ZNF143: variants seen among roughly 807,000 people sequenced by gnomAD.
ZNF143 encodes the protein zinc finger protein 143.
A neutral mutation model predicts 74.1 loss-of-function variants in ZNF143; 49 were observed. The observed-to-expected ratio is 0.66, with a 90% CI of 0.53 to 0.84. The LOEUF is 0.84. Among genes scored for constraint, ZNF143 ranks in the 40% least tolerant of loss-of-function variants. ZNF143 has a pLI of 0.00. For synonymous variants in ZNF143, 304 were observed against 282.8 expected, an observed-to-expected ratio of 1.07 and a Z score of -0.75; for missense variants, 637 against 793.4, an observed-to-expected ratio of 0.80 and a Z score of 2.37.
At chr11:9,491,954 G>A (rs554182388) in intron 7 of ZNF143, among the ~76,000 whole-genome samples, 5 of 152,074 alleles carry the variant, frequency 3.3e-5, no homozygotes, top group South Asian at 2.1e-4. Flanking sequence ...TTATTTATTT[G>A]TTTGTTTAAA....
In ZNF143 at chr11:9,525,329, A is replaced by G; in HGVS notation, c.1776A>G (p.Thr592=). ...AGCATAGCCATCACTTAGTAACCAC[A>G]GAAACCAGACCTCTGACCTTAGTAG... ...HQQHSHHLVT[T]ETRPLTLVAT... is the part of the protein sequence containing the mutation. Residue 592 remains threonine, a synonymous_variant, in exon 15 of 16, where the codon ACA becomes ACG. Coordinates refer to ENST00000396602, the MANE Select transcript of ZNF143 (RefSeq NM_003442.6). 1 of 1,614,224 alleles carries G rather than the reference A, an allele frequency of 6.2e-7. No homozygotes were observed. Among genetic ancestry groups the G allele is most frequent in the Non-Finnish European group, 8.5e-7 (1 of 1,180,038 alleles).
chr11:9,503,030 A>G (rs1163042189), intron 11 of ZNF143, among the ~76,000 whole-genome samples: 1 of 152,002 alleles, frequency 6.6e-6, no homozygotes, highest in African/African-American at 2.4e-5. Context: ...ACGGGGTTTC[A>G]CTGTGTTAGC....
intron 12 of ZNF143, among the ~76,000 whole-genome samples, chr11:9,509,137 G>A (rs1364684432): frequency 6.6e-6 from 1 of 152,174 alleles, no homozygotes; most frequent in African/African-American, 2.4e-5. Flanking sequence ...GAAGCAGGAA[G>A]CAAAGGCAAG....
chr11:9,493,436 A>G (rs1474771919), intron 7 of ZNF143, among the ~76,000 whole-genome samples: 2 of 152,226 alleles, frequency 1.3e-5, no homozygotes, highest in Admixed American at 1.3e-4. Context: ...ATGGTCTGCA[A>G]CATTTAATGA....
chr11:9,517,070 A>G (rs1187211550), intron 14 of ZNF143, among the ~76,000 whole-genome samples: 1 of 152,134 alleles, frequency 6.6e-6, no homozygotes, highest in Non-Finnish European at 1.5e-5. Flanking sequence ...GTGCACCACC[A>G]TGCCTGGCTA....
Position 9,527,605 on chromosome 11 carries a change from G to T in ZNF143, c.1909G>T (p.Asp637Tyr). The T allele has an allele frequency of 6.2e-7, 1 of 1,613,926 alleles. No individual in the cohort carries two copies. Among genetic ancestry groups the T allele is most frequent in the Non-Finnish European group, 8.5e-7 (1 of 1,179,830 alleles). The change falls in exon 16 of 16, where the codon GAT becomes TAT. Residue 637 changes from aspartate to tyrosine, a missense_variant. Asp to Tyr is a radical substitution (Grantham distance 160). Transcript: ENST00000396602. ...CCAACAAGGAGAAACGCCAGGGTTG[G>T]ATGATTAATCCTCAGAACAATGGAG... ...RIQQGETPGLDD is the reference protein window; with the variant it reads ...RIQQGETPGLYD
chr11:9,489,768 A>T (rs1474269960), intron 7 of ZNF143, among the ~76,000 whole-genome samples: 1 of 152,234 alleles, frequency 6.6e-6, no homozygotes, highest in Non-Finnish European at 1.5e-5. Context: ...GGGGAAGAGA[A>T]TAGGAAGAAG....
intron 9 of ZNF143, among the ~76,000 whole-genome samples, chr11:9,497,131 A>G (rs1361021405): frequency 6.6e-6 from 1 of 152,188 alleles, no homozygotes; most frequent in African/African-American, 2.4e-5. Flanking sequence ...CAACTGATAA[A>G]ACTGAGGCAC....
chr11:9,478,955 A>C (rs1218026127), intron 6 of ZNF143, among the ~76,000 whole-genome samples: 1 of 152,198 alleles, frequency 6.6e-6, no homozygotes, highest in African/African-American at 2.4e-5. Context: ...TCACCGAAAG[A>C]TATACGAGGA....
At chr11:9,472,495 A>G (rs977174432) in intron 2 of ZNF143, among the ~76,000 whole-genome samples, 182 bp from the exon 3 acceptor site, 3 of 151,976 alleles carry the variant, frequency 2.0e-5, no homozygotes, top group Admixed American at 6.6e-5. Flanking sequence ...CTCATGATCC[A>G]CTTGCCTTGG....
At chr11:9,507,265 A>T (rs1589928655) in intron 11 of ZNF143, among the ~76,000 whole-genome samples, 1 of 152,146 alleles carries the variant, frequency 6.6e-6, no homozygotes, top group Admixed American at 6.6e-5. Context: ...ACACACTTTC[A>T]TATGTACATT....
At chr11:9,495,752 A>G (rs1847936346) in intron 8 of ZNF143, among the ~76,000 whole-genome samples, 1 of 152,236 alleles carries the variant, frequency 6.6e-6, no homozygotes, top group Non-Finnish European at 1.5e-5. Context: ...GTAAAGTACT[A>G]AAAAGAGTGT....
At chr11:9,526,985 C>T (rs1471044168) in intron 15 of ZNF143, among the ~76,000 whole-genome samples, 2 of 152,118 alleles carry the variant, frequency 1.3e-5, no homozygotes, top group South Asian at 2.1e-4. Flanking sequence ...TCACCACGCC[C>T]AGCAATTTTT....
At chr11:9,505,751 C>T (rs1848339860) in intron 11 of ZNF143, among the ~76,000 whole-genome samples, 1 of 151,398 alleles carries the variant, frequency 6.6e-6, no homozygotes, top group Admixed American at 6.6e-5. Flanking sequence ...TGGTGGTGGG[C>T]ACCTGCAATC....
chr11:9,495,170 G>A (rs776988856), intron 8 of ZNF143, among the ~76,000 whole-genome samples: 17 of 152,186 alleles, frequency 1.1e-4, no homozygotes, highest in East Asian at 3.8e-4. Flanking sequence ...AAGGCTGGGC[G>A]TGGTGGCTCA....
Position 9,508,839 on chromosome 11 carries a change from GC to G in ZNF143, c.1373del (p.Pro458GlnfsTer19). ...AGGAGCAGGAAGCCTTCTTTGAGCC[GC>G]CCCCAGGTGAGAGTTTTGTCTACTA... ...EEEQEAFFEP[P>X]PGQGEDVLKG... is the part of the protein sequence containing the mutation. On this transcript the variant is annotated frameshift_variant, in exon 12 of 16. Transcript: ENST00000396602. LOFTEE classifies it high-confidence loss of function. The G allele has an allele frequency of 6.3e-7, 1 of 1,578,454 alleles. No individual in the cohort carries two copies. The highest frequency in any genetic ancestry group is 8.6e-7 in the Non-Finnish European group (1 of 1,161,230).
chr11:9,493,751 C>CT (rs1847864410), intron 7 of ZNF143, among the ~76,000 whole-genome samples: 1 of 152,140 alleles, frequency 6.6e-6, no homozygotes, highest in African/African-American at 2.4e-5. Context: ...ACATGGCTCA[C>CT]AGAGTAGAAA....
chr11:9,486,377 T>TTATATATATAATATATATAA (rs1847494678), intron 7 of ZNF143, among the ~76,000 whole-genome samples: 16 of 37,142 alleles, frequency 4.3e-4, no homozygotes, highest in South Asian at 5.3e-4. Flanking sequence ...ATATAATATA[T>TTATATATATAATATATATAA]TATATATATA....
chr11:9,512,770 GAGA>G (rs1234237661), intron 13 of ZNF143, among the ~76,000 whole-genome samples, 174 bp downstream of exon 13: 2 of 152,216 alleles, frequency 1.3e-5, no homozygotes, highest in African/African-American at 2.4e-5. Context: ...TTAGGAGAGA[GAGA>G]AGGTTTGTGA....
Sources: gnomAD v4.1 joint callset for allele counts (sites outside exome capture counted in the v4.1 genomes callset) on GRCh38, gnomAD v4.1.1 for gene constraint, MANE v1.5 for transcripts, NCBI Gene and HGNC (gene_info 2026-07-23, HGNC 2026-07-21) for gene names.